The following MYO1E variants were observed in gnomAD, a reference collection of about 807,000 sequenced individuals.
The protein encoded by MYO1E is myosin IE.
Under a neutral mutation model 151.1 loss-of-function variants are expected in MYO1E, and 68 were observed. That is an observed-to-expected ratio of 0.45 (90% CI 0.37 to 0.55). MYO1E has a LOEUF of 0.55. Among genes scored for constraint, MYO1E ranks in the 20% least tolerant of loss-of-function variants. The probability of loss-of-function intolerance (pLI) is 0.00; values close to 1 mark genes in which losing one functional copy is unlikely to be tolerated. For missense variants in MYO1E, 1,363 were observed against 1,389.3 expected, an observed-to-expected ratio of 0.98 and a Z score of 0.30; for synonymous variants, 601 against 501.7, an observed-to-expected ratio of 1.20 and a Z score of -2.64.
chr15:59,174,088 G>A, intron 20 of MYO1E, 38 bp downstream of exon 20: 1 of 1,570,634 alleles, frequency 6.4e-7, no homozygotes, highest in Non-Finnish European at 8.8e-7. Flanking sequence ...TTACTCTTCA[G>A]ATTTATTAAA....
At chr15:59,230,214 CAGTGTGTGTT>C (rs1388692790) in intron 6 of MYO1E, among the ~76,000 whole-genome samples, 13 of 45,896 alleles carry the variant, frequency 2.8e-4, no homozygotes, top group East Asian at 1.8e-3. Context: ...GAGAGAGAGA[CAGTGTGTGTT>C]TGTGTGTGTG....
rs779664009 is a variant in MYO1E, at chr15:59,208,794, C to T, written c.1417G>A (p.Val473Met). 6.2e-7 allele frequency: 1 copy of T among 1,614,250 alleles called. No homozygotes were observed. The highest frequency in any genetic ancestry group is 8.5e-7 in the Non-Finnish European group (1 of 1,180,054). Residue 473 changes from valine to methionine, a missense_variant, in exon 14 of 28, where the codon GTG (valine) becomes ATG (methionine). Val to Met is a conservative substitution (Grantham distance 21, BLOSUM62 1). Coordinates refer to ENST00000288235, the MANE Select transcript of MYO1E (RefSeq NM_004998.4). Reference protein sequence around the residue: ...LDDVCATMHAVGEGADQTLLQ... With the variant: ...LDDVCATMHAMGEGADQTLLQ... ...AGCGTCTGATCTGCCCCCTCACCCA[C>T]CGCATGCATCGTGGCGCACACGTCA...
intron 25 of MYO1E, among the ~76,000 whole-genome samples, chr15:59,154,066 G>A (rs1337555371): frequency 6.6e-6 from 1 of 152,174 alleles, no homozygotes; most frequent in African/African-American, 2.4e-5. Context: ...CAACTTCCCG[G>A]GATGTGCCCG....
chr15:59,295,430 T>C (rs746554844), intron 1 of MYO1E, among the ~76,000 whole-genome samples: 2 of 151,814 alleles, frequency 1.3e-5, no homozygotes, highest in African/African-American at 2.4e-5. Context: ...AGTAGGAAAA[T>C]AGAGCTGACC....
At chr15:59,182,405 G>T (rs1160219788) in intron 18 of MYO1E, among the ~76,000 whole-genome samples, 2 of 152,090 alleles carry the variant, frequency 1.3e-5, no homozygotes, top group African/African-American at 4.8e-5. Flanking sequence ...TAGAGGCGGG[G>T]TTTCACCATT....
intron 1 of MYO1E, among the ~76,000 whole-genome samples, chr15:59,308,539 G>A (rs1392203511): frequency 6.6e-6 from 1 of 151,984 alleles, no homozygotes; most frequent in African/African-American, 2.4e-5. Context: ...AGGTGTGGGG[G>A]CCCACACCTG....
intron 1 of MYO1E, 120 bp downstream of exon 1, chr15:59,372,378 T>TC (rs1349444706): frequency 1.3e-5 from 16 of 1,250,790 alleles, no homozygotes; most frequent in Non-Finnish European, 1.8e-5. Context: ...ACGTGCCGGC[T>TC]CCCGCGTCCA....
At chr15:59,261,345 C>G in intron 3 of MYO1E, 75 bp downstream of exon 3, 1 of 1,075,868 alleles carries the variant, frequency 9.3e-7, no homozygotes, top group Non-Finnish European at 1.4e-6. Flanking sequence ...AAAAGTACTG[C>G]TAACTTCAAG....
At chr15:59,173,398 T>C (rs182429821) in intron 21 of MYO1E, among the ~76,000 whole-genome samples, 3 of 152,322 alleles carry the variant, frequency 2.0e-5, no homozygotes, top group Admixed American at 6.5e-5. Flanking sequence ...AAATAACTTA[T>C]ATTGCTAACT....
chr15:59,230,736 T>C (rs2080023033), intron 6 of MYO1E, among the ~76,000 whole-genome samples: 1 of 152,168 alleles, frequency 6.6e-6, no homozygotes, highest in Non-Finnish European at 1.5e-5. Flanking sequence ...TATGAGCACA[T>C]AGTAAAAATT....
At chr15:59,365,503 G>C (rs1455183780) in intron 1 of MYO1E, among the ~76,000 whole-genome samples, 1 of 152,076 alleles carries the variant, frequency 6.6e-6, no homozygotes, top group Non-Finnish European at 1.5e-5. Context: ...GATCTGCACT[G>C]GATCAGATCT....
intron 1 of MYO1E, among the ~76,000 whole-genome samples, chr15:59,300,162 T>G (rs1284211086): frequency 1.3e-5 from 2 of 151,754 alleles, no homozygotes; most frequent in Non-Finnish European, 2.9e-5. Flanking sequence ...TGGGTCCTCT[T>G]GAATCTCTTC....
At chr15:59,149,875 A>G (rs2079466077) in intron 26 of MYO1E, among the ~76,000 whole-genome samples, 1 of 152,232 alleles carries the variant, frequency 6.6e-6, no homozygotes, top group Admixed American at 6.5e-5. Flanking sequence ...TGTTTATGGA[A>G]AAAGTACAAA....
At chr15:59,199,961 T>A (rs2079790977) in intron 16 of MYO1E, among the ~76,000 whole-genome samples, 1 of 152,198 alleles carries the variant, frequency 6.6e-6, no homozygotes, top group South Asian at 2.1e-4. Context: ...CCAAGGAGAT[T>A]GTGCCTGGAG....
Position 59,153,101 on chromosome 15 carries a change from CTTTA to C in MYO1E, c.3080+485_3080+488del, listed in dbSNP as rs1235455631. The stretch of plus-strand genomic sequence containing the variant: ...AAAAGGCTGGGTTCTCTTCACCACT[CTTTA>C]TTTATATTCTAGAAAGGCAGAGAGG... On this transcript the variant is annotated intron_variant, in intron 26 of 27. Coordinates refer to ENST00000288235, the MANE Select transcript of MYO1E (RefSeq NM_004998.4). Among the ~76,000 whole-genome samples, 9 of 152,312 alleles carry C rather than the reference CTTTA, an allele frequency of 5.9e-5. 1 individual carries two copies. Among genetic ancestry groups the C allele is most frequent in the African/African-American group, 2.2e-4 (9 of 41,560 alleles).
At chr15:59,355,661 T>G (rs2080848867) in intron 1 of MYO1E, among the ~76,000 whole-genome samples, 1 of 152,188 alleles carries the variant, frequency 6.6e-6, no homozygotes, top group African/African-American at 2.4e-5. Flanking sequence ...GCAAATTGTC[T>G]AATGCGCAAT....
intron 26 of MYO1E, among the ~76,000 whole-genome samples, chr15:59,149,352 G>A (rs375239774): frequency 1.2e-4 from 18 of 152,066 alleles, no homozygotes; most frequent in Non-Finnish European, 1.9e-4. Flanking sequence ...CACCGCGCCC[G>A]GCCTGGATGA....
At chr15:59,262,469 A>AACAAAT (rs1566995345) in intron 2 of MYO1E, among the ~76,000 whole-genome samples, 2 of 151,888 alleles carry the variant, frequency 1.3e-5, no homozygotes, top group African/African-American at 4.8e-5. Flanking sequence ...CAAAAACAAA[A>AACAAAT]ACAAAAACAT....
intron 4 of MYO1E, among the ~76,000 whole-genome samples, chr15:59,255,823 A>AG (rs2080191148): frequency 6.6e-6 from 1 of 152,232 alleles, no homozygotes; most frequent in African/African-American, 2.4e-5. Context: ...AGGTTGGACA[A>AG]GCTTGACTTA....
Sources: gnomAD v4.1 joint callset for allele counts (sites outside exome capture counted in the v4.1 genomes callset) on GRCh38, gnomAD v4.1.1 for gene constraint, MANE v1.5 for transcripts, NCBI Gene and HGNC (gene_info 2026-07-23, HGNC 2026-07-21) for gene names.